UTP20: variants seen among roughly 807,000 people sequenced by gnomAD.
UTP20 encodes the protein small subunit processome component 20 homolog.
Under a neutral mutation model 329.5 loss-of-function variants are expected in UTP20, and 164 were observed. That is an observed-to-expected ratio of 0.50 (90% CI 0.44 to 0.57). The LOEUF is 0.57. UTP20 is among the 20% of genes least tolerant of loss of function. The pLI is 0.00. For synonymous variants in UTP20, 1,151 were observed against 1,159.3 expected (o/e 0.99, Z 0.14); for missense variants, 3,055 against 3,284.2 (o/e 0.93, Z 1.71).
chr12:101,354,082 G>A lies in UTP20; in HGVS notation c.5108-750G>A, dbSNP rs746451190. On this transcript the variant is annotated intron_variant, in intron 40 of 61. Transcript: ENST00000261637. ...TCGAGACTAGCCTGGTCAACATAGC[G>A]AAACCCTGTCTCTACTAAATATACA... Among the ~76,000 whole-genome samples the A allele has an allele frequency of 4.2e-4, 64 of 151,950 alleles. 1 individual carries two copies. The highest frequency in any genetic ancestry group is 1.8e-4 in the Non-Finnish European group (12 of 67,974).
chr12:101,286,009 C>T, intron 4 of UTP20, 128 bp downstream of exon 4: 1 of 1,341,214 alleles, frequency 7.5e-7, no homozygotes, highest in Middle Eastern at 1.9e-4. Flanking sequence ...TTTTCCTTTT[C>T]TGTTAGGAAT....
chr12:101,378,731 A>C (rs1273895597), intron 56 of UTP20, among the ~76,000 whole-genome samples: 1 of 151,642 alleles, frequency 6.6e-6, no homozygotes, highest in Non-Finnish European at 1.5e-5. Context: ...AAAAAAAAAG[A>C]AAAAAAAGAA....
rs565059952 is a variant in UTP20, at chr12:101,362,040, T to C, written c.5770T>C (p.Cys1924Arg). 87 of 1,613,320 alleles carry C rather than the reference T, an allele frequency of 5.4e-5. No individual in the cohort carries two copies. The highest frequency in any genetic ancestry group is 7.0e-5 in the Non-Finnish European group (83 of 1,179,488). ...GCTGCAGGTCGGAGATTTGGACTCT[T>C]GTTTAGATATAATGATTGAGGTAAG... ...NKLQVGDLDS[C>R]LDIMIEIFNH... is the part of the protein sequence containing the mutation. Residue 1924 changes from cysteine to arginine, a missense_variant, in exon 44 of 62, where the codon TGT becomes CGT. Around this residue, in one of 3 missense-constraint regions of UTP20, gnomAD observed 2,445 missense variants for 2,575.5 expected, o/e 0.95. Coordinates refer to ENST00000261637, the MANE Select transcript of UTP20 (RefSeq NM_014503.3).
At position 101,308,186 on chromosome 12, in the gene UTP20, A is replaced by G. The variant is rs757231752; in HGVS notation, c.1997A>G (p.Asp666Gly). Residue 666 changes from aspartate to glycine, a missense_variant and splice_region_variant, in exon 18 of 62, where the codon GAT (aspartate) becomes GGT (glycine). Asp to Gly is a moderately conservative substitution (Grantham distance 94). Transcript: ENST00000261637. The stretch of plus-strand genomic sequence containing the variant: ...CCATGGTTTTCTCTGGTTATTCAGG[A>G]TGATGGGCTCTCAGAGCGGCAGTCT... ...FDVQLPESME[D>G]DGLSERQSVF... is the part of the protein sequence containing the mutation. 2.7e-5 allele frequency: 43 copies of G among 1,604,406 alleles called. 2 individuals carry two copies. In the South Asian group the frequency reaches 4.5e-4, roughly 17 times the overall value.
Position 101,306,030 on chromosome 12 carries a change from A to G in UTP20, c.1897A>G (p.Lys633Glu). 1.2e-6 allele frequency: 2 copies of G among 1,613,482 alleles called. No individual in the cohort carries two copies. The highest frequency in any genetic ancestry group is 1.7e-6 in the Non-Finnish European group (2 of 1,179,690). ...SQEALMELFPKLQANISTGVS... is the reference protein window; with the variant it reads ...SQEALMELFPELQANISTGVS... ...GGAGGCTTTAATGGAATTATTTCCC[A>G]AGTTACAAGCAAACATTTCAACTGG... is the stretch of plus-strand genomic sequence containing the variant. The change falls in exon 16 of 62, where the codon AAG (lysine) becomes GAG (glutamate). Residue 633 changes from lysine (K) to glutamate (E), a missense_variant. Lys to Glu is a moderately conservative substitution (Grantham distance 56). Around this residue, in one of 3 missense-constraint regions of UTP20, gnomAD observed 2,445 missense variants for 2,575.5 expected, o/e 0.95. Transcript: ENST00000261637.
intron 45 of UTP20, among the ~76,000 whole-genome samples, chr12:101,364,041 T>A (rs2121006737): frequency 6.6e-6 from 1 of 152,296 alleles, no homozygotes; most frequent in South Asian, 2.1e-4. Context: ...AGCCGCATAG[T>A]GCTTATCTTT....
rs773991609 is a variant in UTP20 at position 101,354,984 on chromosome 12, G to C, written c.5260G>C (p.Glu1754Gln). The C allele has an allele frequency of 2.5e-6, 4 of 1,614,158 alleles. No homozygotes were observed. In the Admixed American group the frequency reaches 6.7e-5, roughly 27 times the overall value. ...TGACTCTGGAGGAACATCAGCTAAA[G>C]AATCCGAGTGTATCACAAAGCCTGT... ...PADSGGTSAK[E>Q]SECITKPVSF... The change falls in exon 41 of 62, where the codon GAA becomes CAA. Residue 1754 changes from glutamate to glutamine, a missense_variant. Physicochemically the swap from Glu to Gln is conservative, Grantham distance 29. Transcript: ENST00000261637.
chr12:101,351,710 G>A (rs1258273304), intron 38 of UTP20, among the ~76,000 whole-genome samples: 1 of 151,740 alleles, frequency 6.6e-6, no homozygotes. Flanking sequence ...CCCCACCACC[G>A]ACAATGTACT....
chr12:101,289,246 G>A (rs149232940), intron 6 of UTP20, among the ~76,000 whole-genome samples: 2,143 of 152,040 alleles, frequency 0.014, 30 homozygotes, highest in East Asian at 0.079. Flanking sequence ...GCGTGGTGGC[G>A]CGCACCTGTA....
intron 31 of UTP20, 70 bp downstream of exon 31, chr12:101,339,027 T>C: frequency 6.8e-7 from 1 of 1,474,430 alleles, no homozygotes; most frequent in Non-Finnish European, 9.0e-7. Flanking sequence ...AAAATTATTA[T>C]CTTGGCCAGG....
intron 37 of UTP20, among the ~76,000 whole-genome samples, chr12:101,346,192 C>T (rs1172232785): frequency 1.3e-5 from 2 of 152,096 alleles, no homozygotes; most frequent in Non-Finnish European, 2.9e-5. Flanking sequence ...GCTGGGATTA[C>T]AGGCATGCAC....
intron 36 of UTP20, 103 bp from the exon 37 acceptor site, chr12:101,345,451 G>T (rs1021912597): frequency 1.2e-6 from 1 of 823,324 alleles, no homozygotes; most frequent in Non-Finnish European, 1.8e-6. Flanking sequence ...TTTAACAGTG[G>T]AAATATTTTA....
chr12:101,314,292 TAGTC>T (rs1565791489), intron 21 of UTP20, among the ~76,000 whole-genome samples: 2 of 152,206 alleles, frequency 1.3e-5, no homozygotes, highest in African/African-American at 2.4e-5. Context: ...GGAGTGACCT[TAGTC>T]AGAGTGACCC....
At chr12:101,347,873 G>T (rs1251997568) in intron 38 of UTP20, among the ~76,000 whole-genome samples, 1 of 152,126 alleles carries the variant, frequency 6.6e-6, no homozygotes, top group African/African-American at 2.4e-5. Context: ...CTGTCACCTA[G>T]GCTGGAGTGC....
At chr12:101,345,138 G>T (rs1030074106) in intron 36 of UTP20, among the ~76,000 whole-genome samples, 3 of 151,828 alleles carry the variant, frequency 2.0e-5, no homozygotes, top group Admixed American at 2.0e-4. Flanking sequence ...TAGAGACGGG[G>T]TTTCACCATG....
chr12:101,296,022 A>G (rs1432818796), intron 12 of UTP20, among the ~76,000 whole-genome samples: 1 of 152,214 alleles, frequency 6.6e-6, no homozygotes, highest in African/African-American at 2.4e-5. Context: ...GAGGTTTCGT[A>G]TACTCTTCAC....
At chr12:101,291,561 AAG>A in intron 8 of UTP20, 179 bp from the exon 9 acceptor site, 1 of 359,692 alleles carries the variant, frequency 2.8e-6, no homozygotes, top group Non-Finnish European at 4.6e-6. Flanking sequence ...AAAAAAAAAA[AAG>A]ACTTAGAACA....
intron 32 of UTP20, 152 bp from the exon 33 acceptor site, chr12:101,342,294 C>G (rs977358517): frequency 1.6e-6 from 1 of 610,812 alleles, no homozygotes; most frequent in African/African-American, 1.9e-5. Context: ...AATTAAAATG[C>G]TAAAAACTTT....
chr12:101,299,802 A>C lies in UTP20; in HGVS notation c.1551A>C (p.Gln517His). The C allele has an allele frequency of 3.7e-6, 6 of 1,612,398 alleles. No homozygotes were observed. The highest frequency in any genetic ancestry group is 4.2e-6 in the Non-Finnish European group (5 of 1,179,512). Residue 517 changes from glutamine (Q) to histidine (H), a missense_variant, in exon 13 of 62, where the codon CAA becomes CAC. Coordinates refer to ENST00000261637, the MANE Select transcript of UTP20 (RefSeq NM_014503.3). ...ATAAAGATACTACTTACCTTTCACA[A>C]TCTTGGGCAGCCCTCGTGGTGTTAC... ...PPNKDTTYLS[Q>H]SWAALVVLPH... is the part of the protein sequence containing the mutation.
Sources: allele counts gnomAD v4.1 joint callset (sites outside exome capture counted in the v4.1 genomes callset), GRCh38; gene constraint gnomAD v4.1.1; regional missense constraint gnomAD v4.1.1; transcripts MANE v1.5; gene names NCBI Gene and HGNC (gene_info 2026-07-23, HGNC 2026-07-21).